ELL2: variants seen among roughly 807,000 people sequenced by gnomAD.
ELL2 encodes elongation factor for RNA polymerase II 2.
Under a neutral mutation model 72.8 loss-of-function variants are expected in ELL2, and 21 were observed. The observed-to-expected ratio is 0.29, with a 90% CI of 0.20 to 0.42. ELL2 has a LOEUF of 0.42. Among genes scored for constraint, ELL2 ranks in the 10% least tolerant of loss-of-function variants. The pLI is 1.00. For missense variants in ELL2, 568 were observed against 772.8 expected (o/e 0.73, Z 3.14); for synonymous variants, 266 against 283.2 (o/e 0.94, Z 0.61).
At position 95,961,714 on chromosome 5, in the gene ELL2, G is replaced by T. The variant is rs1233849497; in HGVS notation, c.8C>A (p.Ala3Glu). The T allele has an allele frequency of 6.2e-7, 1 of 1,601,976 alleles. No individual in the cohort carries two copies. Among genetic ancestry groups the T allele is most frequent in the Non-Finnish European group, 8.5e-7 (1 of 1,175,538 alleles). The change falls in exon 1 of 12, where the codon GCG becomes GAG. Residue 3 changes from alanine (A) to glutamate (E), a missense_variant. Around this residue, in one of 2 missense-constraint regions of ELL2, gnomAD observed 57 missense variants for 44.4 expected, o/e 1.28. Coordinates refer to ENST00000237853, the MANE Select transcript of ELL2 (RefSeq NM_012081.6). MA[A>E]GGTGGLREEQ... ...CTCCCGCAGGCCCCCTGTCCCCCCC[G>T]CCGCCATCTTAAACTCCCCGGGGTG... is the stretch of plus-strand genomic sequence containing the variant.
In ELL2 at chr5:95,948,429, C is replaced by CAAAAA. The variant is rs1187881368; in HGVS notation, c.148-5385_148-5381dup. ...TGGGCAACAGAGCGAGACTCCGCCT[C>CAAAAA]AAAAAAAAAAAAAAAAAAAAAAAAG... On this transcript the variant is annotated intron_variant, in intron 1 of 11. Transcript: ENST00000237853. Among the ~76,000 whole-genome samples the CAAAAA allele has an allele frequency of 4.0e-3, 142 of 35,196 alleles. 18 individuals carry two copies. Among genetic ancestry groups the CAAAAA allele is most frequent in the African/African-American group, 0.015 (123 of 8,270 alleles). The allele number at this position is 35,196 out of a possible 152,430, so 23.1% of individuals were successfully genotyped here.
At chr5:95,894,195 G>A (rs1413155134) in intron 9 of ELL2, among the ~76,000 whole-genome samples, 2 of 152,138 alleles carry the variant, frequency 1.3e-5, no homozygotes. Flanking sequence ...AGCCGAGGTC[G>A]CACCATCGCA....
At chr5:95,897,789 A>G (rs78315594) in intron 8 of ELL2, among the ~76,000 whole-genome samples, 3,364 of 152,324 alleles carry the variant, frequency 0.022, 60 homozygotes, top group Middle Eastern at 0.044. Context: ...GATTTATTAA[A>G]AAGTTGACCT....
chr5:95,900,564 C>T (rs747205068), intron 7 of ELL2, 129 bp downstream of exon 7: 1 of 632,734 alleles, frequency 1.6e-6, no homozygotes, highest in Non-Finnish European at 2.6e-6. Flanking sequence ...TCAGCCATAA[C>T]CAGATGGCTT....
At chr5:95,957,827 A>T (rs1456897673) in intron 1 of ELL2, among the ~76,000 whole-genome samples, 2 of 152,246 alleles carry the variant, frequency 1.3e-5, no homozygotes, top group African/African-American at 4.8e-5. Flanking sequence ...ACAAACCCTT[A>T]GAACGCTGTA....
Position 95,888,449 on chromosome 5 carries a change from G to C in ELL2, c.*422C>G, listed in dbSNP as rs903630029. ...TTGCATTAAGAAACGTCAGAAAATAGGCTTACGTTTATCCAAAAGCATTTC... is the reference window on the plus strand; with the variant it reads ...TTGCATTAAGAAACGTCAGAAAATACGCTTACGTTTATCCAAAAGCATTTC... On this transcript the variant is annotated 3_prime_UTR_variant, in exon 12 of 12. Transcript: ENST00000237853. The C allele has an allele frequency of 2.6e-5, 4 of 153,008 alleles. No homozygotes were observed. The highest frequency in any genetic ancestry group is 9.7e-5 in the African/African-American group (4 of 41,430). The allele number at this position is 153,008 out of a possible 1,614,324, so 9.5% of individuals were successfully genotyped here. A position where few individuals can be genotyped will look rare whatever the true frequency, so the allele number is the denominator to read the frequency against.
chr5:95,929,295 G>T (rs1750509620), intron 2 of ELL2, among the ~76,000 whole-genome samples: 2 of 147,338 alleles, frequency 1.4e-5, no homozygotes, highest in Non-Finnish European at 3.0e-5. Flanking sequence ...GTCTCGCTCT[G>T]TCGCCCAGGC....
At chr5:95,922,200 C>G (rs1482126818) in intron 2 of ELL2, among the ~76,000 whole-genome samples, 2 of 152,078 alleles carry the variant, frequency 1.3e-5, no homozygotes, top group Admixed American at 1.3e-4. Flanking sequence ...GTAGCTGGGA[C>G]TACAGGCACC....
At chr5:95,936,341 C>G (rs1750772105) in intron 2 of ELL2, among the ~76,000 whole-genome samples, 1 of 152,138 alleles carries the variant, frequency 6.6e-6, no homozygotes, top group African/African-American at 2.4e-5. Flanking sequence ...TGTATAGTCT[C>G]CAAACATTGT....
chr5:95,959,584 G>A (rs1313360111), intron 1 of ELL2, among the ~76,000 whole-genome samples: 1 of 152,172 alleles, frequency 6.6e-6, no homozygotes, highest in Non-Finnish European at 1.5e-5. Flanking sequence ...TCCGTCTGAT[G>A]CTGGTCTCTT....
At chr5:95,890,238 T>C (rs1296740111) in intron 10 of ELL2, among the ~76,000 whole-genome samples, 1 of 152,186 alleles carries the variant, frequency 6.6e-6, no homozygotes, top group Non-Finnish European at 1.5e-5. Flanking sequence ...CCTATAACTC[T>C]CGCCAGCTTG....
At chr5:95,934,091 A>G (rs1052038569) in intron 2 of ELL2, among the ~76,000 whole-genome samples, 2 of 152,214 alleles carry the variant, frequency 1.3e-5, no homozygotes, top group Non-Finnish European at 1.5e-5. Flanking sequence ...AATTACCAAC[A>G]TAACTAGATT....
At position 95,900,942 on chromosome 5, in the gene ELL2, A is replaced by T. The variant is rs187135793; in HGVS notation, c.866+14T>A. The T allele has an allele frequency of 5.3e-5, 84 of 1,578,226 alleles. 1 individual carries two copies. The highest frequency in any genetic ancestry group is 1.7e-4 in the Middle Eastern group (1 of 5,852). ...AAGAAACATTTTTTTAAAAGCAAGAAAAAAAGAATTCACCTAGAGAGCACT... is the reference window on the plus strand; with the variant it reads ...AAGAAACATTTTTTTAAAAGCAAGATAAAAAGAATTCACCTAGAGAGCACT... On this transcript the variant is annotated intron_variant, in intron 6 of 11. Coordinates refer to ENST00000237853, the MANE Select transcript of ELL2 (RefSeq NM_012081.6).
chr5:95,924,794 T>A (rs933312465), intron 2 of ELL2, among the ~76,000 whole-genome samples: 1 of 152,202 alleles, frequency 6.6e-6, no homozygotes, highest in Non-Finnish European at 1.5e-5. Flanking sequence ...TTCAGACATT[T>A]ATAATTAGCA....
intron 5 of ELL2, among the ~76,000 whole-genome samples, chr5:95,905,056 C>T (rs2112287185): frequency 6.6e-6 from 1 of 152,218 alleles, no homozygotes; most frequent in South Asian, 2.1e-4. Context: ...GCCCCACCTT[C>T]AGATACTTGG....
intron 10 of ELL2, among the ~76,000 whole-genome samples, chr5:95,890,648 A>G (rs376039140): frequency 7.9e-5 from 12 of 152,170 alleles, no homozygotes. Context: ...CTTAAACCCC[A>G]AATCTCTGTG....
chr5:95,944,420 A>C (rs1228448373), intron 1 of ELL2, among the ~76,000 whole-genome samples: 1 of 152,258 alleles, frequency 6.6e-6, no homozygotes, highest in Non-Finnish European at 1.5e-5. Context: ...AAATTCATTT[A>C]TTGGTGTGGG....
At chr5:95,913,247 G>A (rs1580498219) in intron 4 of ELL2, 1 of 152,274 alleles carries the variant, frequency 6.6e-6, no homozygotes, top group Non-Finnish European at 1.5e-5. Context: ...TCAGTCTAAT[G>A]CTCTGTTGTA....
At chr5:95,918,525 T>C (rs1749918212) in intron 3 of ELL2, among the ~76,000 whole-genome samples, 3 of 152,242 alleles carry the variant, frequency 2.0e-5, no homozygotes, top group Admixed American at 6.5e-5. Flanking sequence ...ATTTTGTATC[T>C]CTGCCTCCTG....
Sources: allele counts gnomAD v4.1 joint callset (sites outside exome capture counted in the v4.1 genomes callset), GRCh38; gene constraint gnomAD v4.1.1; regional missense constraint gnomAD v4.1.1; transcripts MANE v1.5; gene names NCBI Gene and HGNC (gene_info 2026-07-23, HGNC 2026-07-21).